Variants in CLSTN2 observed in about 807,000 individuals in gnomAD.
The protein encoded by CLSTN2 is calsyntenin 2, also known as calsyntenin-2.
In CLSTN2, 48 loss-of-function variants were observed where a neutral mutation model predicts 101.2. The ratio of observed to expected loss-of-function variants is 0.47; its 90% confidence interval spans 0.38 to 0.60. CLSTN2 has a LOEUF of 0.60. Ranked by LOEUF, CLSTN2 falls within the 20% of genes least tolerant of loss-of-function variation. The probability of loss-of-function intolerance (pLI) is 0.00; values close to 1 mark genes in which losing one functional copy is unlikely to be tolerated. For synonymous variants in CLSTN2, 481 were observed against 463.6 expected, an observed-to-expected ratio of 1.04 and a Z score of -0.48; for missense variants, 1,160 against 1,238.2, an observed-to-expected ratio of 0.94 and a Z score of 0.95.
At chr3:140,316,118 C>T (rs1260163017) in intron 2 of CLSTN2, among the ~76,000 whole-genome samples, 1 of 152,106 alleles carries the variant, frequency 6.6e-6, no homozygotes, top group African/African-American at 2.4e-5. Context: ...GCCAGAGGTA[C>T]TGTGATAAAT....
intron 1 of CLSTN2, among the ~76,000 whole-genome samples, chr3:140,111,517 C>T (rs529093065): frequency 4.2e-4 from 64 of 152,172 alleles, no homozygotes; most frequent in Non-Finnish European, 5.1e-4. Flanking sequence ...GGCCTGAGCC[C>T]CAGTGTATCA....
At chr3:139,994,863 T>C (rs566465721) in intron 1 of CLSTN2, among the ~76,000 whole-genome samples, 113 of 151,902 alleles carry the variant, frequency 7.4e-4, no homozygotes, top group African/African-American at 2.7e-3. Flanking sequence ...CACTAAGGAG[T>C]TTACAAGAGA....
intron 1 of CLSTN2, among the ~76,000 whole-genome samples, chr3:139,964,104 T>G (rs964003787): frequency 2.0e-5 from 3 of 152,248 alleles, no homozygotes; most frequent in Non-Finnish European, 2.9e-5. Context: ...ACATTTCATT[T>G]TATTGAATAG....
intron 9 of CLSTN2, among the ~76,000 whole-genome samples, chr3:140,533,284 G>A (rs951603420): frequency 3.9e-5 from 6 of 152,178 alleles, no homozygotes; most frequent in Non-Finnish European, 8.8e-5. Context: ...ATATGAAAAT[G>A]CTCCCCAAAT....
rs146338703 is a variant in CLSTN2, at chr3:140,546,490, C to A, written c.1508-25C>A. 2.1e-4 allele frequency: 331 copies of A among 1,610,576 alleles called. No homozygotes were observed. In the African/African-American group the frequency reaches 3.2e-3, roughly 15 times the overall value. The stretch of plus-strand genomic sequence containing the variant: ...TGTTTCCTACCCAGTCTTCACAGGG[C>A]AAATGATGGTGTTTGTTTTTTCAGG... On this transcript the variant is annotated intron_variant, in intron 9 of 16. Transcript: ENST00000458420.
At chr3:140,201,512 A>G (rs577964385) in intron 2 of CLSTN2, among the ~76,000 whole-genome samples, 1 of 152,312 alleles carries the variant, frequency 6.6e-6, no homozygotes, top group South Asian at 2.1e-4. Context: ...TTAGAATGGC[A>G]TGATTGGAAT....
chr3:140,411,961 GTT>G, intron 4 of CLSTN2, among the ~76,000 whole-genome samples: 1 of 152,294 alleles, frequency 6.6e-6, no homozygotes, highest in South Asian at 2.1e-4. Flanking sequence ...ATGGGCCTAT[GTT>G]TTTACTGAGT....
intron 8 of CLSTN2, among the ~76,000 whole-genome samples, chr3:140,483,798 T>C (rs995768197): frequency 4.6e-5 from 7 of 152,190 alleles, no homozygotes; most frequent in South Asian, 2.1e-4. Flanking sequence ...TATTTATTTA[T>C]TGCTTTCCGT....
intron 1 of CLSTN2, among the ~76,000 whole-genome samples, chr3:140,026,506 T>A (rs2007422338): frequency 6.6e-6 from 1 of 152,150 alleles, no homozygotes; most frequent in African/African-American, 2.4e-5. Context: ...CTGCTTCCTG[T>A]CTCTGTCATG....
chr3:140,253,554 C>T (rs1003931852), intron 2 of CLSTN2, among the ~76,000 whole-genome samples: 2 of 152,064 alleles, frequency 1.3e-5, no homozygotes, highest in Non-Finnish European at 2.9e-5. Context: ...AGCACAGGCC[C>T]CTGACATGTC....
intron 4 of CLSTN2, among the ~76,000 whole-genome samples, chr3:140,409,336 T>C (rs2088337943): frequency 6.6e-6 from 1 of 152,190 alleles, no homozygotes; most frequent in South Asian, 2.1e-4. Context: ...CCACTGAGTA[T>C]ACCTACAGTC....
intron 6 of CLSTN2, among the ~76,000 whole-genome samples, chr3:140,456,805 T>TGA (rs3029616): frequency 6.7e-6 from 1 of 148,866 alleles, no homozygotes. Context: ...TAAAATAAAA[T>TGA]AATAAAAATA....
intron 5 of CLSTN2, among the ~76,000 whole-genome samples, chr3:140,423,302 T>C (rs347322): frequency 0.59 from 89,186 of 152,140 alleles, 28,633 homozygotes; most frequent in African/African-American, 0.87. Flanking sequence ...TCTGGACAAA[T>C]CTTGTTGGGC....
intron 8 of CLSTN2, among the ~76,000 whole-genome samples, chr3:140,482,492 T>C (rs990240635): frequency 4.6e-5 from 7 of 152,178 alleles, no homozygotes; most frequent in Non-Finnish European, 8.8e-5. Flanking sequence ...TCTTTTTCTA[T>C]TGATTGGAAG....
chr3:140,448,360 G>A (rs1415619695), intron 5 of CLSTN2, among the ~76,000 whole-genome samples, 159 bp from the exon 6 acceptor site: 10 of 152,140 alleles, frequency 6.6e-5, no homozygotes, highest in African/African-American at 2.4e-4. Flanking sequence ...CCCTGCATAA[G>A]CAAATGTAAA....
intron 1 of CLSTN2, among the ~76,000 whole-genome samples, chr3:139,953,777 C>T (rs1935335913): frequency 1.3e-5 from 2 of 152,188 alleles, no homozygotes; most frequent in African/African-American, 4.8e-5. Flanking sequence ...TGGCTTTCTT[C>T]CCTTCCTGAG....
chr3:140,560,611 G>T (rs909126819), intron 12 of CLSTN2, among the ~76,000 whole-genome samples: 2 of 152,100 alleles, frequency 1.3e-5, no homozygotes, highest in Non-Finnish European at 2.9e-5. Context: ...ATCCATGGCC[G>T]ATTTGCCTCT....
chr3:140,178,077 C>A (rs549808075), intron 2 of CLSTN2, among the ~76,000 whole-genome samples: 1 of 152,220 alleles, frequency 6.6e-6, no homozygotes, highest in African/African-American at 2.4e-5. Context: ...GAAGTCATTG[C>A]AGTGTCCTGA....
In CLSTN2 at chr3:139,962,211, G is replaced by A. The variant is rs546071123; in HGVS notation, c.109+26728G>A. Among the ~76,000 whole-genome samples the A allele has an allele frequency of 3.3e-5, 5 of 152,006 alleles. No individual in the cohort carries two copies. In the South Asian group the frequency reaches 8.3e-4, roughly 25 times the overall value. On this transcript the variant is annotated intron_variant, in intron 1 of 16. Transcript: ENST00000458420. ...TATCACCAAACTGCTTTTCAAGAGG[G>A]ATCCATCAATTTGTATTCCTATTTA...
Sources: gnomAD v4.1 joint callset for allele counts (sites outside exome capture counted in the v4.1 genomes callset) on GRCh38, gnomAD v4.1.1 for gene constraint, MANE v1.5 for transcripts, NCBI Gene and HGNC (gene_info 2026-07-23, HGNC 2026-07-21) for gene names.